The following TBC1D16 variants were observed in gnomAD, a reference collection of about 807,000 sequenced individuals.
TBC1D16 encodes TBC1 domain family member 16.
A neutral mutation model predicts 74.7 loss-of-function variants in TBC1D16; 58 were observed. The observed-to-expected ratio is 0.78, with a 90% CI of 0.63 to 0.97. The LOEUF (loss-of-function observed/expected upper bound fraction) is 0.97, where lower values mean the gene tolerates loss of function less well. TBC1D16 is among the 50% of genes least tolerant of loss of function. The probability of loss-of-function intolerance (pLI) is 0.00; values close to 1 mark genes in which losing one functional copy is unlikely to be tolerated. For missense variants in TBC1D16, 1,014 were observed against 1,079.5 expected (o/e 0.94, Z 0.85); for synonymous variants, 493 against 474.7 (o/e 1.04, Z -0.50).
At chr17:79,999,361 TG>T (rs1400527927) in intron 3 of TBC1D16, among the ~76,000 whole-genome samples, 1 of 151,964 alleles carries the variant, frequency 6.6e-6, no homozygotes, top group Non-Finnish European at 1.5e-5. Flanking sequence ...CAAAACCATC[TG>T]GCCCCCAAAG....
chr17:80,034,847 C>T (rs2036901558), intron 1 of TBC1D16, among the ~76,000 whole-genome samples: 1 of 152,182 alleles, frequency 6.6e-6, no homozygotes, highest in Non-Finnish European at 1.5e-5. Context: ...CAATATGCCG[C>T]CTCACGTGAG....
intron 3 of TBC1D16, among the ~76,000 whole-genome samples, chr17:79,963,837 T>C (rs553581092): frequency 2.0e-5 from 3 of 152,346 alleles, no homozygotes; most frequent in South Asian, 2.1e-4. Flanking sequence ...ATTAATGATA[T>C]TGAGTACCTT....
intron 3 of TBC1D16, among the ~76,000 whole-genome samples, chr17:79,984,437 T>C (rs902211819): frequency 1.3e-5 from 2 of 152,020 alleles, no homozygotes; most frequent in African/African-American, 4.8e-5. Flanking sequence ...CTGAAGGAAA[T>C]ACACCAAAAA....
chr17:80,030,269 G>C (rs2036729451), intron 1 of TBC1D16, among the ~76,000 whole-genome samples: 1 of 152,162 alleles, frequency 6.6e-6, no homozygotes, highest in African/African-American at 2.4e-5. Flanking sequence ...CCTCTGACCT[G>C]CTCACCCACT....
chr17:79,939,716 G>A lies in TBC1D16; in HGVS notation c.*1143C>T, dbSNP rs970644339. On this transcript the variant is annotated 3_prime_UTR_variant, in exon 12 of 12. Coordinates refer to ENST00000310924, the MANE Select transcript of TBC1D16 (RefSeq NM_019020.4). ...GATACACAATCTTTTGGAAGAGGGA[G>A]AGTCTGTTGGGAAGACCTCATTCCC... 6.6e-6 allele frequency: 1 copy of A among 152,182 alleles called. No individual in the cohort carries two copies. Among genetic ancestry groups the A allele is most frequent in the African/African-American group, 2.4e-5 (1 of 41,440 alleles). The allele number at this position is 152,182 out of a possible 1,614,324, so 9.4% of individuals were successfully genotyped here. A position where few individuals can be genotyped will look rare whatever the true frequency, so the allele number is the denominator to read the frequency against.
chr17:79,944,167 T>C lies in TBC1D16; in HGVS notation c.1908+741A>G. The stretch of plus-strand genomic sequence containing the variant: ...AAATGTCTTCCAGCAGATGGGTGTT[T>C]GCCTCCATCTTCAGGGTTCTCTGAC... On this transcript the variant is annotated intron_variant, in intron 10 of 11. Transcript: ENST00000310924. This position sits in a 1 kb window ranked among gnomAD's most constrained non-coding sequence, Gnocchi z 7.7. The C allele has an allele frequency of 6.5e-7, 1 of 1,533,480 alleles. No homozygotes were observed. Among genetic ancestry groups the C allele is most frequent in the Non-Finnish European group, 8.7e-7 (1 of 1,144,648 alleles). 95.0% of individuals were successfully genotyped at this position (1,533,480 alleles called of 1,614,324 possible). A position where few individuals can be genotyped will look rare whatever the true frequency, so the allele number is the denominator to read the frequency against.
chr17:79,984,582 A>AAT, intron 3 of TBC1D16, among the ~76,000 whole-genome samples: 1 of 125,626 alleles, frequency 8.0e-6, no homozygotes. Flanking sequence ...GAAAGAAAGA[A>AAT]AAAGAAAGAA....
intron 1 of TBC1D16, among the ~76,000 whole-genome samples, chr17:80,027,669 A>G (rs2036626482): frequency 6.6e-6 from 1 of 151,606 alleles, no homozygotes; most frequent in Admixed American, 6.6e-5. Flanking sequence ...GAGGCGGCAG[A>G]TCGCTTGAGG....
chr17:80,034,189 C>CT (rs60054678), intron 1 of TBC1D16, among the ~76,000 whole-genome samples: 1 of 140,430 alleles, frequency 7.1e-6, no homozygotes, highest in Non-Finnish European at 1.5e-5. Flanking sequence ...CAGATAAAAA[C>CT]TTTTTTTTTC....
intron 3 of TBC1D16, among the ~76,000 whole-genome samples, chr17:79,963,206 G>A (rs1201796756): frequency 1.4e-5 from 2 of 145,334 alleles, no homozygotes; most frequent in East Asian, 4.0e-4. Flanking sequence ...GACAGAGTGG[G>A]ACTCCATCTC....
intron 1 of TBC1D16, among the ~76,000 whole-genome samples, chr17:80,030,866 T>C (rs2036751948): frequency 6.6e-6 from 1 of 152,248 alleles, no homozygotes; most frequent in South Asian, 2.1e-4. Context: ...CAACACGCAC[T>C]GAGCCCGGTC....
chr17:79,937,565 C>G lies in TBC1D16; in HGVS notation c.*3294G>C, dbSNP rs1427299655. 6.6e-6 allele frequency: 1 copy of G among 152,366 alleles called. No homozygotes were observed. Among genetic ancestry groups the G allele is most frequent in the Non-Finnish European group, 1.5e-5 (1 of 68,134 alleles). The allele number at this position is 152,366 out of a possible 1,614,324, so 9.4% of individuals were successfully genotyped here. On this transcript the variant is annotated 3_prime_UTR_variant, in exon 12 of 12. Transcript: ENST00000310924. ...GCTGCCCTCCCACCTTCAGACCCTC[C>G]TCCTCCCCCGCAGGGGTGGGCTGGG...
At chr17:80,005,850 T>G (rs1333497310) in intron 3 of TBC1D16, among the ~76,000 whole-genome samples, 1 of 152,074 alleles carries the variant, frequency 6.6e-6, no homozygotes, top group Non-Finnish European at 1.5e-5. Context: ...CCCTAAGCTC[T>G]TCTGTGAACT....
In TBC1D16 at chr17:80,007,200, G is replaced by A. The variant is rs2035708618; in HGVS notation, c.779+2960C>T. Among the ~76,000 whole-genome samples the A allele has an allele frequency of 6.6e-6, 1 of 152,240 alleles. No individual in the cohort carries two copies. On this transcript the variant is annotated intron_variant, in intron 3 of 11. Coordinates refer to ENST00000310924, the MANE Select transcript of TBC1D16 (RefSeq NM_019020.4). This position sits in a 1 kb window ranked among gnomAD's most constrained non-coding sequence, Gnocchi z 4.5. ...ACCGAGCCCGCGGCCATGTGGCCAA[G>A]AGGCATTTTCTGAGCCTTCATCAGG...
intron 1 of TBC1D16, among the ~76,000 whole-genome samples, chr17:80,022,979 G>A (rs1405260808): frequency 6.7e-6 from 1 of 150,002 alleles, no homozygotes; most frequent in African/African-American, 2.5e-5. Context: ...TTTAAGAGGT[G>A]CCTTGGCCGT....
intron 1 of TBC1D16, chr17:80,024,103 A>AAGCGCAGCTCCGGGCCAG (rs1191108732): frequency 9.8e-6 from 1 of 102,536 alleles, no homozygotes; most frequent in Non-Finnish European, 2.4e-5. Context: ...TTCCGCGACA[A>AAGCGCAGCTCCGGGCCAG]AGCGCAGCTC....
At chr17:79,953,659 T>C (rs567217732) in intron 3 of TBC1D16, among the ~76,000 whole-genome samples, 3 of 152,396 alleles carry the variant, frequency 2.0e-5, no homozygotes, top group African/African-American at 7.2e-5. Flanking sequence ...ATTTATTCTG[T>C]TATTTTTTAT....
rs767084846 is a variant in TBC1D16, at chr17:79,993,304, C to T, written c.779+16856G>A. The stretch of plus-strand genomic sequence containing the variant: ...CCACCAGCCAGTCCCTTTCAAAGGG[C>T]GGAGGTTTCCAGAAGTGTGGCTGAG... On this transcript the variant is annotated intron_variant, in intron 3 of 11. Transcript: ENST00000310924. This position sits in a 1 kb window ranked among gnomAD's most constrained non-coding sequence, Gnocchi z 5.1. Among the ~76,000 whole-genome samples, 4 of 152,198 alleles carry T rather than the reference C, an allele frequency of 2.6e-5. No homozygotes were observed. The highest frequency in any genetic ancestry group is 5.9e-5 in the Non-Finnish European group (4 of 68,036).
At position 79,988,088 on chromosome 17, in the gene TBC1D16, T is replaced by C. The variant is rs571947734; in HGVS notation, c.779+22072A>G. 4.5e-4 allele frequency among the ~76,000 whole-genome samples: 68 copies of C among 152,274 alleles called. No individual in the cohort carries two copies. Among genetic ancestry groups the C allele is most frequent in the African/African-American group, 1.5e-3 (63 of 41,554 alleles). The stretch of plus-strand genomic sequence containing the variant: ...TGATTCAAACGAAATACTTCTAAGT[T>C]CTTCTCTGTGAAAGCGTGTGTGTGT... On this transcript the variant is annotated intron_variant, in intron 3 of 11. Transcript: ENST00000310924. This position sits in a 1 kb window ranked among gnomAD's most constrained non-coding sequence, Gnocchi z 5.7.
Sources: gnomAD v4.1 joint callset for allele counts (sites outside exome capture counted in the v4.1 genomes callset) on GRCh38, gnomAD v4.1.1 for gene constraint, Gnocchi (gnomAD v3.1) non-coding constraint, MANE v1.5 for transcripts, NCBI Gene and HGNC (gene_info 2026-07-23, HGNC 2026-07-21) for gene names.